CLNS1A: variants seen among roughly 807,000 people sequenced by gnomAD.
CLNS1A encodes chloride nucleotide-sensitive channel 1A.
Under a neutral mutation model 29.4 loss-of-function variants are expected in CLNS1A, and 16 were observed. The observed-to-expected ratio is 0.54, with a 90% CI of 0.37 to 0.83. CLNS1A has a LOEUF of 0.83. CLNS1A is among the 40% of genes least tolerant of loss of function. The pLI, the probability that CLNS1A is intolerant of heterozygous loss-of-function variation, is 0.00. For synonymous variants in CLNS1A, 96 were observed against 104.8 expected (o/e 0.92, Z 0.51); for missense variants, 235 against 287.4 (o/e 0.82, Z 1.32).
rs1200709285 is a variant in CLNS1A, at chr11:77,619,788, C to T, written c.647-93G>A. On this transcript the variant is annotated intron_variant, in intron 5 of 6. Transcript: ENST00000525428. Reference sequence around the variant, plus strand: ...CTTCTACCAGAAGGAAGCTAGTGCCCTCTGCTGGTAAGAATTGCTTTTTCC... The same window carrying T: ...CTTCTACCAGAAGGAAGCTAGTGCCTTCTGCTGGTAAGAATTGCTTTTTCC... 3.4e-6 allele frequency: 3 copies of T among 882,760 alleles called. No homozygotes were observed. The East Asian group carries it at 7.3e-5, about 22-fold the overall frequency. 54.7% of individuals were successfully genotyped at this position (882,760 alleles called of 1,614,324 possible). A position where few individuals can be genotyped will look rare whatever the true frequency, so the allele number is the denominator to read the frequency against.
chr11:77,629,158 A>C (rs1183035671), intron 2 of CLNS1A, among the ~76,000 whole-genome samples: 4 of 152,238 alleles, frequency 2.6e-5, no homozygotes, highest in Non-Finnish European at 5.9e-5. Flanking sequence ...GGTGCCTTTT[A>C]AAAAGAGAAA....
chr11:77,637,289 AG>A (rs1401259529), intron 1 of CLNS1A, among the ~76,000 whole-genome samples: 4 of 145,780 alleles, frequency 2.7e-5, no homozygotes, highest in Non-Finnish European at 6.0e-5. Flanking sequence ...AAAGAAAAGA[AG>A]AAGAAAGAAA....
At chr11:77,624,025 G>C (rs1004236919) in intron 4 of CLNS1A, among the ~76,000 whole-genome samples, 1 of 152,236 alleles carries the variant, frequency 6.6e-6, no homozygotes, top group Non-Finnish European at 1.5e-5. Context: ...CATTCTGGGA[G>C]GCCAAGGCCA....
intron 5 of CLNS1A, among the ~76,000 whole-genome samples, chr11:77,620,653 A>G (rs962151766): frequency 4.6e-5 from 7 of 151,728 alleles, no homozygotes; most frequent in African/African-American, 1.7e-4. Context: ...ACAAAAATAC[A>G]AAAAAATTAC....
At chr11:77,619,856 G>A (rs1958939580) in intron 5 of CLNS1A, among the ~76,000 whole-genome samples, 161 bp from the exon 6 acceptor site, 1 of 152,180 alleles carries the variant, frequency 6.6e-6, no homozygotes, top group Admixed American at 6.5e-5. Flanking sequence ...GAAAGAAAAT[G>A]CTACCTGGGG....
intron 5 of CLNS1A, chr11:77,622,085 A>G: frequency 2.2e-6 from 1 of 456,574 alleles, no homozygotes; most frequent in Non-Finnish European, 4.4e-6. Flanking sequence ...GAGATAACCT[A>G]TCGTGGACTT....
chr11:77,636,181 C>T lies in CLNS1A; in HGVS notation c.125+1409G>A, dbSNP rs1565131476. Among the ~76,000 whole-genome samples the T allele has an allele frequency of 2.0e-5, 3 of 152,088 alleles. No individual in the cohort carries two copies. The South Asian group carries it at 6.2e-4, about 32-fold the overall frequency. On this transcript the variant is annotated intron_variant, in intron 1 of 6. Transcript: ENST00000525428. ...GACCTCCTGGGCTCAGGTGATCCTC[C>T]CACCTCAGTTTCCTGAGTAGCTAGG... is the stretch of plus-strand genomic sequence containing the variant.
rs1326943252 is a variant in CLNS1A, at chr11:77,637,764, T to C, written c.-50A>G. 2.9e-5 allele frequency: 44 copies of C among 1,521,276 alleles called. No homozygotes were observed. Among genetic ancestry groups the C allele is most frequent in the Non-Finnish European group, 3.7e-5 (42 of 1,130,112 alleles). 94.2% of individuals were successfully genotyped at this position (1,521,276 alleles called of 1,614,324 possible). A position where few individuals can be genotyped will look rare whatever the true frequency, so the allele number is the denominator to read the frequency against. On this transcript the variant is annotated 5_prime_UTR_variant, in exon 1 of 7. Transcript: ENST00000525428. ...CCCTGAGGGAGTTGGAGCACAGCAA[T>C]GCGTGCACCACACCGCCCGCCCTGG...
chr11:77,615,436 TAAGC>T lies in CLNS1A; in HGVS notation c.*1278_*1281del, dbSNP rs1442817525. On this transcript the variant is annotated 3_prime_UTR_variant, in exon 7 of 7. Transcript: ENST00000525428. ...TCACAATTCACTATCTACATGACCT[TAAGC>T]AAGTTATTTTACCTCTCTCTATAAC... 6.6e-6 allele frequency: 1 copy of T among 152,194 alleles called. No homozygotes were observed. Among genetic ancestry groups the T allele is most frequent in the African/African-American group, 2.4e-5 (1 of 41,440 alleles). The allele number at this position is 152,194 out of a possible 1,614,324, so 9.4% of individuals were successfully genotyped here.
chr11:77,617,497 C>T (rs1958916643), intron 6 of CLNS1A, among the ~76,000 whole-genome samples: 1 of 149,070 alleles, frequency 6.7e-6, no homozygotes, highest in South Asian at 2.1e-4. Flanking sequence ...AACCAAGTTG[C>T]GCCACTGCAC....
In CLNS1A at chr11:77,622,651, A is replaced by G; in HGVS notation, c.495T>C (p.Pro165=). The change falls in exon 5 of 7, where the codon CCT becomes CCC. Residue 165 remains proline (P), a synonymous_variant. Coordinates refer to ENST00000525428, the MANE Select transcript of CLNS1A (RefSeq NM_001293.3). Reference sequence around the variant, plus strand: ...ATCCTTCTTCATAGGTGTAAAATGTAGGGATGTCCCCCTGTCCTTGTTCTA... The same window carrying G: ...ATCCTTCTTCATAGGTGTAAAATGTGGGGATGTCCCCCTGTCCTTGTTCTA... ...EAHEQGQGDI[P]TFYTYEEGLS... 2 of 1,607,418 alleles carry G rather than the reference A, an allele frequency of 1.2e-6. No individual in the cohort carries two copies. The highest frequency in any genetic ancestry group is 1.7e-6 in the Non-Finnish European group (2 of 1,178,134).
intron 1 of CLNS1A, among the ~76,000 whole-genome samples, chr11:77,632,154 T>C (rs190742318): frequency 6.6e-6 from 1 of 152,380 alleles, no homozygotes; most frequent in Non-Finnish European, 1.5e-5. Context: ...GGTTATGTGC[T>C]GTATGCATCT....
chr11:77,637,243 T>TAAAAAAAAAAAAAAAAAAAAA (rs747109219), intron 1 of CLNS1A, among the ~76,000 whole-genome samples: 12 of 43,124 alleles, frequency 2.8e-4, no homozygotes, highest in East Asian at 7.1e-4. Flanking sequence ...ATAGGCGAGT[T>TAAAAAAAAAAAAAAAAAAAAA]AAAAAAAAAA....
At chr11:77,617,695 G>A (rs113946527) in intron 6 of CLNS1A, among the ~76,000 whole-genome samples, 4,100 of 151,908 alleles carry the variant, frequency 0.027, 156 homozygotes, top group African/African-American at 0.088. Context: ...CGAGGCAGGC[G>A]GATCACGAGG....
At position 77,625,802 on chromosome 11, in the gene CLNS1A, A is replaced by G. The variant is rs199712423; in HGVS notation, c.279T>C (p.Pro93=). 2.4e-5 allele frequency: 38 copies of G among 1,585,180 alleles called. No homozygotes were observed. In the African/African-American group the frequency reaches 4.8e-4, roughly 20 times the overall value. ...TGTCTTCCTCTTCTTCATCAGCAAC[A>G]GGTTCTTTTGATTCTTCTAGAAAAT... is the stretch of plus-strand genomic sequence containing the variant. ...NAKFEEESKE[P]VADEEEEDSD... is the part of the protein sequence containing the mutation. The change falls in exon 3 of 7, where the codon CCT becomes CCC. Residue 93 remains proline, a synonymous_variant. Coordinates refer to ENST00000525428, the MANE Select transcript of CLNS1A (RefSeq NM_001293.3).
chr11:77,619,290 C>T (rs1201403636), intron 6 of CLNS1A, among the ~76,000 whole-genome samples: 4 of 152,110 alleles, frequency 2.6e-5, no homozygotes, highest in South Asian at 2.1e-4. Context: ...CCAGTACTTT[C>T]GGATGCCGAG....
intron 5 of CLNS1A, 63 bp downstream of exon 5, chr11:77,622,430 TTCTATTG>T: frequency 8.6e-7 from 1 of 1,160,340 alleles, no homozygotes; most frequent in Non-Finnish European, 1.2e-6. Flanking sequence ...TTAAAAGAAC[TTCTATTG>T]ACTATCCATA....
chr11:77,633,070 G>A (rs931593430), intron 1 of CLNS1A, among the ~76,000 whole-genome samples: 8 of 147,612 alleles, frequency 5.4e-5, no homozygotes, highest in African/African-American at 1.8e-4. Flanking sequence ...CTGGGCAACG[G>A]GGAGACTCCA....
At chr11:77,628,329 C>T (rs1301534940) in intron 2 of CLNS1A, among the ~76,000 whole-genome samples, 2 of 152,204 alleles carry the variant, frequency 1.3e-5, no homozygotes, top group East Asian at 3.8e-4. Flanking sequence ...TTAAACTAAA[C>T]ATGACACATA....
Sources: allele counts gnomAD v4.1 joint callset (sites outside exome capture counted in the v4.1 genomes callset), GRCh38; gene constraint gnomAD v4.1.1; transcripts MANE v1.5; gene names NCBI Gene and HGNC (gene_info 2026-07-23, HGNC 2026-07-21).